The following CFAP74 variants were observed in gnomAD, a reference collection of about 807,000 sequenced individuals.
CFAP74 encodes the protein cilia and flagella associated protein 74.
In CFAP74, 124 loss-of-function variants were observed where a neutral mutation model predicts 188.9. That is an observed-to-expected ratio of 0.66 (90% confidence interval 0.57 to 0.76). The LOEUF is 0.76. CFAP74 is among the 30% of genes least tolerant of loss of function. The pLI is 0.00. For missense variants in CFAP74, 2,198 were observed against 2,165.2 expected, an observed-to-expected ratio of 1.02 and a Z score of -0.30; for synonymous variants, 956 against 916.7, an observed-to-expected ratio of 1.04 and a Z score of -0.77.
At chr1:1,951,901 G>T (rs972441632) in intron 18 of CFAP74, among the ~76,000 whole-genome samples, 2 of 152,156 alleles carry the variant, frequency 1.3e-5, no homozygotes, top group African/African-American at 4.8e-5. Flanking sequence ...ACCGCCTCAT[G>T]CAGACTGCAG....
chr1:1,923,336 G>T lies in CFAP74; in HGVS notation c.4522+31C>A. The T allele has an allele frequency of 6.5e-7, 1 of 1,541,962 alleles. No homozygotes were observed. The highest frequency in any genetic ancestry group is 2.4e-5 in the East Asian group (1 of 41,082). On this transcript the variant is annotated intron_variant, in intron 36 of 38. Coordinates refer to ENST00000682832, the MANE Select transcript of CFAP74 (RefSeq NM_001304360.2). The surrounding 1 kb of genome is among the most constrained non-coding windows in gnomAD (Gnocchi z 6.3). ...CGGGACAGGGGCACCGGGAGGCCCC[G>T]TGTCTGTTCCCTCCCTGGGGAGGGG...
rs558840105 is a variant in CFAP74 at position 1,968,906 on chromosome 1, C to T, written c.1047-73G>A. On this transcript the variant is annotated intron_variant, in intron 10 of 38. Coordinates refer to ENST00000682832, the MANE Select transcript of CFAP74 (RefSeq NM_001304360.2). This position sits in a 1 kb window ranked among gnomAD's most constrained non-coding sequence, Gnocchi z 4.3. ...ACCTTGCCCCAGATGAGACAGTGCCCGGCGGCCCCTCCCTAGCGCCCTCCT... is the reference window on the plus strand; with the variant it reads ...ACCTTGCCCCAGATGAGACAGTGCCTGGCGGCCCCTCCCTAGCGCCCTCCT... The T allele has an allele frequency of 8.2e-5, 118 of 1,438,176 alleles. No individual in the cohort carries two copies. The highest frequency in any genetic ancestry group is 2.8e-4 in the East Asian group (12 of 43,534). 89.1% of individuals were successfully genotyped at this position (1,438,176 alleles called of 1,614,324 possible). A position where few individuals can be genotyped will look rare whatever the true frequency, so the allele number is the denominator to read the frequency against.
At chr1:1,992,032 T>C (rs1200273369) in intron 1 of CFAP74, among the ~76,000 whole-genome samples, 3 of 140,432 alleles carry the variant, frequency 2.1e-5, no homozygotes, top group Admixed American at 7.0e-5. Context: ...AGAGCGAGAC[T>C]CCGTCTCAAA....
chr1:1,947,023 G>A lies in CFAP74; in HGVS notation c.2208C>T (p.Pro736=). The A allele has an allele frequency of 6.5e-7, 1 of 1,536,072 alleles. No homozygotes were observed. The highest frequency in any genetic ancestry group is 1.2e-5 in the South Asian group (1 of 84,046). ...GCGTGATCTCCGTCTGCTCTTCGCT[G>A]GGAGGTATCACTGTGGTTAATCTCT... is the stretch of plus-strand genomic sequence containing the variant. The part of the protein sequence containing the change: ...EPERLTTVIP[P]SEEQTEITLG... Residue 736 remains proline (P), a synonymous_variant, in exon 19 of 39, where the codon CCC becomes CCT. Transcript: ENST00000682832.
At chr1:1,954,813 G>A in intron 18 of CFAP74, 3 of 1,125,860 alleles carry the variant, frequency 2.7e-6, no homozygotes, top group Non-Finnish European at 3.3e-6. Flanking sequence ...ATTAGCTGAT[G>A]CCAGTGAGGC....
At chr1:1,990,446 ACC>A in intron 2 of CFAP74, among the ~76,000 whole-genome samples, 3 of 99,792 alleles carry the variant, frequency 3.0e-5, no homozygotes, top group African/African-American at 1.2e-4. Context: ...ACACAACAGA[ACC>A]CAAAACGGGG....
intron 6 of CFAP74, among the ~76,000 whole-genome samples, chr1:1,980,937 G>T (rs1185984803): frequency 1.3e-5 from 2 of 152,238 alleles, no homozygotes; most frequent in African/African-American, 4.8e-5. Context: ...CGCGCATGGT[G>T]TGGCAGCAGG....
At chr1:1,971,368 C>T (rs1281713438) in intron 9 of CFAP74, among the ~76,000 whole-genome samples, 1 of 151,006 alleles carries the variant, frequency 6.6e-6, no homozygotes, top group Non-Finnish European at 1.5e-5. Context: ...CCTGCACACA[C>T]ACGGTCACAC....
chr1:1,936,165 C>T lies in CFAP74; in HGVS notation c.3011+2690G>A, dbSNP rs192044253. Among the ~76,000 whole-genome samples, 883 of 147,966 alleles carry T rather than the reference C, an allele frequency of 6.0e-3. 8 individuals are homozygous for T. Among genetic ancestry groups the T allele is most frequent in the African/African-American group, 0.021 (837 of 39,720 alleles). On this transcript the variant is annotated intron_variant, in intron 25 of 38. Transcript: ENST00000682832. ...CTGGGAGGCAGAGGTTGTGGTGAGC[C>T]GAGATTGCGCCATTGCACTCCAGCC...
At chr1:1,979,074 G>C (rs1570963945) in intron 6 of CFAP74, among the ~76,000 whole-genome samples, 3 of 111,172 alleles carry the variant, frequency 2.7e-5, no homozygotes, top group African/African-American at 6.5e-5. Flanking sequence ...ACATGCGTGT[G>C]GTACTGAGCT....
At chr1:1,951,696 G>C (rs1654211966) in intron 18 of CFAP74, among the ~76,000 whole-genome samples, 1 of 152,156 alleles carries the variant, frequency 6.6e-6, no homozygotes, top group African/African-American at 2.4e-5. Context: ...ATTTTGGTTG[G>C]AATTGCATTG....
intron 16 of CFAP74, among the ~76,000 whole-genome samples, chr1:1,958,331 CTG>C (rs1407954194): frequency 6.6e-6 from 1 of 152,248 alleles, no homozygotes; most frequent in African/African-American, 2.4e-5. Flanking sequence ...CAGGCTCAGG[CTG>C]TGAGACTTGC....
intron 13 of CFAP74, 104 bp downstream of exon 13, chr1:1,964,784 C>T (rs13303202): frequency 0.24 from 291,870 of 1,228,812 alleles, 36,041 homozygotes; most frequent in East Asian, 0.26. Context: ...AGTGAGACTC[C>T]ATCTCAAAAA....
At chr1:1,955,626 C>G in intron 18 of CFAP74, 65 bp downstream of exon 18, 6 of 1,613,172 alleles carry the variant, frequency 3.7e-6, no homozygotes, top group Non-Finnish European at 5.1e-6. Flanking sequence ...CCTCAGCCCC[C>G]TGGAATGCTG....
chr1:1,937,881 T>C (rs1653008904), intron 25 of CFAP74, among the ~76,000 whole-genome samples: 1 of 139,406 alleles, frequency 7.2e-6, no homozygotes. Context: ...CCCACCTGTG[T>C]CCAGAGGGGT....
chr1:1,970,265 A>G (rs1655850096), intron 10 of CFAP74, among the ~76,000 whole-genome samples: 1 of 152,234 alleles, frequency 6.6e-6, no homozygotes, highest in African/African-American at 2.4e-5. Context: ...GAGCAAGGGC[A>G]GGCCCAGCAG....
rs748173984 is a variant in CFAP74 at position 1,926,452 on chromosome 1, G to GA, written c.3828+4dup. 1.4e-4 allele frequency: 214 copies of GA among 1,550,272 alleles called. 2 individuals carry two copies. In the South Asian group the frequency reaches 2.5e-3, roughly 18 times the overall value. On this transcript the variant is annotated splice_donor_region_variant and intron_variant, in intron 31 of 38. Transcript: ENST00000682832. ...AGGCCGCCTGAGCTGGGTGGACAAG[G>GA]ACACGGCCAGATCCTCGGGAGAGAC... is the stretch of plus-strand genomic sequence containing the variant.
At chr1:1,982,543 A>G (rs1330127277) in intron 6 of CFAP74, among the ~76,000 whole-genome samples, 1 of 152,264 alleles carries the variant, frequency 6.6e-6, no homozygotes, top group Admixed American at 6.5e-5. Context: ...CACTGGGTGG[A>G]GAGCAGACCA....
Position 1,965,031 on chromosome 1 carries a change from CG to C in CFAP74, c.1431del (p.Val478TrpfsTer63). On this transcript the variant is annotated frameshift_variant, in exon 13 of 39. Transcript: ENST00000682832. LOFTEE classifies it high-confidence loss of function. ...QVPKEDVDRK[P>X]VGGTKMDKDI... Reference sequence around the variant, plus strand: ...TCCTTGTCCATCTTTGTCCCGCCCACGGGCTTTCGGTCCACGTCCTCCTTGG... The same window carrying C: ...TCCTTGTCCATCTTTGTCCCGCCCACGGCTTTCGGTCCACGTCCTCCTTGG... 6.2e-7 allele frequency: 1 copy of C among 1,613,626 alleles called. No homozygotes were observed. The highest frequency in any genetic ancestry group is 8.5e-7 in the Non-Finnish European group (1 of 1,179,780).
Sources: gnomAD v4.1 joint callset for allele counts (sites outside exome capture counted in the v4.1 genomes callset) on GRCh38, gnomAD v4.1.1 for gene constraint, Gnocchi (gnomAD v3.1) non-coding constraint, MANE v1.5 for transcripts, NCBI Gene and HGNC (gene_info 2026-07-23, HGNC 2026-07-21) for gene names.